HNRNPC: variants seen among roughly 807,000 people sequenced by gnomAD.
The protein encoded by HNRNPC is heterogeneous nuclear ribonucleoprotein C.
A neutral mutation model predicts 33.2 loss-of-function variants in HNRNPC; 3 were observed. The ratio of observed to expected loss-of-function variants is 0.09; its 90% CI spans 0.04 to 0.23. The LOEUF is 0.23. Among genes scored for constraint, HNRNPC ranks in the 10% least tolerant of loss-of-function variants. The pLI is 1.00. For missense variants in HNRNPC, 143 were observed against 366.7 expected (o/e 0.39, Z 4.98); for synonymous variants, 121 against 126.7 (o/e 0.96, Z 0.30).
At chr14:21,245,494 C>CAA (rs199502414) in intron 2 of HNRNPC, among the ~76,000 whole-genome samples, 110 of 142,440 alleles carry the variant, frequency 7.7e-4, no homozygotes, top group Non-Finnish European at 1.2e-3. Context: ...AGACTGTCGC[C>CAA]AAAAAAAATA....
intron 4 of HNRNPC, 188 bp downstream of exon 4, chr14:21,230,807 CAA>C (rs1894031362): frequency 5.1e-6 from 3 of 590,236 alleles, no homozygotes; most frequent in Middle Eastern, 2.7e-4. Flanking sequence ...TTCTCTAGGG[CAA>C]AAAAGAGACA....
intron 2 of HNRNPC, among the ~76,000 whole-genome samples, chr14:21,253,876 T>C (rs559628723): frequency 2.8e-4 from 43 of 151,952 alleles, no homozygotes; most frequent in African/African-American, 9.4e-4. Context: ...CCATCCTGGC[T>C]AACACGGTGA....
chr14:21,249,856 A>C (rs1896436176), intron 2 of HNRNPC, among the ~76,000 whole-genome samples: 1 of 152,192 alleles, frequency 6.6e-6, no homozygotes, highest in South Asian at 2.1e-4. Flanking sequence ...AGAATCTGTA[A>C]GTATCCAACA....
chr14:21,252,921 A>C (rs1896825295), intron 2 of HNRNPC, among the ~76,000 whole-genome samples: 1 of 152,192 alleles, frequency 6.6e-6, no homozygotes, highest in Admixed American at 6.5e-5. Context: ...CACACCTGTA[A>C]TCCCAGCACT....
intron 2 of HNRNPC, among the ~76,000 whole-genome samples, chr14:21,250,502 A>G (rs1248415305): frequency 6.6e-6 from 1 of 152,214 alleles, no homozygotes; most frequent in Non-Finnish European, 1.5e-5. Context: ...CAGCTTTCAT[A>G]ACCAAGAATG....
At chr14:21,233,194 C>T (rs1043261979) in intron 3 of HNRNPC, among the ~76,000 whole-genome samples, 1 of 152,080 alleles carries the variant, frequency 6.6e-6, no homozygotes, top group South Asian at 2.1e-4. Context: ...AAAAAGCAAT[C>T]CAGTAAGATG....
At chr14:21,257,946 A>G (rs1877509053) in intron 2 of HNRNPC, among the ~76,000 whole-genome samples, 1 of 152,182 alleles carries the variant, frequency 6.6e-6, no homozygotes, top group Non-Finnish European at 1.5e-5. Context: ...ACATCTACCT[A>G]AACATTAACT....
chr14:21,246,723 A>G (rs2138861572), intron 2 of HNRNPC, among the ~76,000 whole-genome samples: 1 of 152,312 alleles, frequency 6.6e-6, no homozygotes, highest in South Asian at 2.1e-4. Flanking sequence ...GTCAACACAT[A>G]CAGGAACAAT....
chr14:21,228,912 C>T (rs1893782325), intron 5 of HNRNPC, among the ~76,000 whole-genome samples: 1 of 150,486 alleles, frequency 6.6e-6, no homozygotes, highest in Admixed American at 6.6e-5. Context: ...TGGTGAAACC[C>T]AGCCTCTACT....
intron 2 of HNRNPC, among the ~76,000 whole-genome samples, chr14:21,247,064 A>G (rs1896057338): frequency 6.6e-6 from 1 of 152,118 alleles, no homozygotes; most frequent in East Asian, 1.9e-4. Context: ...TAATATGTGG[A>G]TTTTTTATTT....
intron 2 of HNRNPC, among the ~76,000 whole-genome samples, chr14:21,261,214 C>T (rs1878187152): frequency 6.6e-6 from 1 of 152,112 alleles, no homozygotes; most frequent in South Asian, 2.1e-4. Context: ...GTCTCCCTCA[C>T]TAAGCTGCGA....
intron 3 of HNRNPC, among the ~76,000 whole-genome samples, chr14:21,232,019 C>T (rs1463911205): frequency 6.6e-6 from 1 of 152,144 alleles, no homozygotes; most frequent in Non-Finnish European, 1.5e-5. Flanking sequence ...GGGTTAACGA[C>T]TGCTTTCTGA....
At chr14:21,227,645 C>T (rs879473786) in intron 5 of HNRNPC, among the ~76,000 whole-genome samples, 2 of 152,156 alleles carry the variant, frequency 1.3e-5, no homozygotes, top group African/African-American at 2.4e-5. Flanking sequence ...TTTCTGCAAA[C>T]GTGATTTCTT....
chr14:21,229,259 G>A (rs1216838595), intron 5 of HNRNPC, among the ~76,000 whole-genome samples: 2 of 151,194 alleles, frequency 1.3e-5, no homozygotes, highest in South Asian at 2.1e-4. Context: ...GTGTGGTGGC[G>A]GGCGCCTGTA....
In HNRNPC at chr14:21,251,627, A is replaced by C. The variant is rs182389406; in HGVS notation, c.-37+11684T>G. 2.9e-3 allele frequency among the ~76,000 whole-genome samples: 436 copies of C among 152,112 alleles called. 2 individuals are homozygous for C. The highest frequency in any genetic ancestry group is 9.9e-3 in the African/African-American group (409 of 41,444). On this transcript the variant is annotated intron_variant, in intron 2 of 8. Transcript: ENST00000553300. ...AACCCGGGAAGTGGAGGTTGCAGTG[A>C]GCCAAGACTGCGCCGCTGCACTCCA...
chr14:21,257,305 G>A (rs1214405844), intron 2 of HNRNPC, among the ~76,000 whole-genome samples: 1 of 151,996 alleles, frequency 6.6e-6, no homozygotes, highest in Non-Finnish European at 1.5e-5. Context: ...GAAGTGGAAG[G>A]ACTGAACCAT....
rs1891794568 is a variant in HNRNPC at position 21,213,087 on chromosome 14, A to AGGT, written c.395_396insACC (p.Pro135dup). On this transcript the variant is annotated inframe_insertion, in exon 6 of 9. Coordinates refer to ENST00000553300, the MANE Select transcript of HNRNPC (RefSeq NM_004500.4). ...CTACAGCCCGAGCAATAGGAGGAGG[A>AGGT]GGAGGTACACGTGCTGGGTAACTGT... The AGGT allele has an allele frequency of 6.2e-7, 1 of 1,614,004 alleles. No individual in the cohort carries two copies. Among genetic ancestry groups the AGGT allele is most frequent in the Non-Finnish European group, 8.5e-7 (1 of 1,179,986 alleles).
chr14:21,230,831 A>T, intron 4 of HNRNPC, 166 bp downstream of exon 4: 1 of 708,094 alleles, frequency 1.4e-6, no homozygotes, highest in Non-Finnish European at 2.2e-6. Flanking sequence ...ATTAACACAA[A>T]AATAATAAAA....
Position 21,211,804 on chromosome 14 carries a change from A to G in HNRNPC, c.637+6T>C. ...TATACCAAGGGCAAGCAGAAAACCC[A>G]TTTACCTGCTTGTTTGCTCTGTTCC... On this transcript the variant is annotated splice_donor_region_variant and intron_variant, in intron 7 of 8. Coordinates refer to ENST00000553300, the MANE Select transcript of HNRNPC (RefSeq NM_004500.4). The G allele has an allele frequency of 6.2e-7, 1 of 1,604,862 alleles. No individual in the cohort carries two copies. The highest frequency in any genetic ancestry group is 8.5e-7 in the Non-Finnish European group (1 of 1,173,204).
Sources: allele counts gnomAD v4.1 joint callset (sites outside exome capture counted in the v4.1 genomes callset), GRCh38; gene constraint gnomAD v4.1.1; transcripts MANE v1.5; gene names NCBI Gene and HGNC (gene_info 2026-07-23, HGNC 2026-07-21).